Variants in ERBB4 observed in about 807,000 individuals in gnomAD.
ERBB4 encodes the protein receptor tyrosine-protein kinase erbB-4.
ERBB4 carries 42 observed loss-of-function variants against 158.0 expected under a neutral mutation model. That is an observed-to-expected ratio of 0.27 (90% CI 0.21 to 0.34). ERBB4 has a LOEUF of 0.34. Ranked by LOEUF, ERBB4 falls within the 10% of genes least tolerant of loss-of-function variation. The pLI, the probability that ERBB4 is intolerant of heterozygous loss-of-function variation, is 1.00. For synonymous variants in ERBB4, 583 were observed against 558.7 expected, an observed-to-expected ratio of 1.04 and a Z score of -0.61; for missense variants, 1,333 against 1,624.1, an observed-to-expected ratio of 0.82 and a Z score of 3.08.
At chr2:212,087,496 C>T (rs922993730) in intron 2 of ERBB4, among the ~76,000 whole-genome samples, 1 of 152,024 alleles carries the variant, frequency 6.6e-6, no homozygotes, top group South Asian at 2.1e-4. Flanking sequence ...ATAGTAAGTG[C>T]TTAACAAATG....
intron 2 of ERBB4, among the ~76,000 whole-genome samples, chr2:212,003,204 AGACAGAAAGAAGGAAGGAAGGAAG>A (rs1303667171): frequency 0.011 from 535 of 48,612 alleles, 20 homozygotes; most frequent in Middle Eastern, 0.044. Flanking sequence ...AAAGAAAGAA[AGACAGAAAGAAGGAAGGAAGGAAG>A]GAAGGAAGGA....
chr2:211,517,520 T>C (rs1298564224), intron 20 of ERBB4, among the ~76,000 whole-genome samples: 1 of 152,170 alleles, frequency 6.6e-6, no homozygotes, highest in African/African-American at 2.4e-5. Context: ...AGAACATTTT[T>C]ATGGGTGAAA....
chr2:212,352,507 A>G (rs1043436880), intron 1 of ERBB4, among the ~76,000 whole-genome samples: 1 of 152,162 alleles, frequency 6.6e-6, no homozygotes, highest in Non-Finnish European at 1.5e-5. Context: ...TTAATGTTTG[A>G]TATATTCTTA....
At chr2:211,772,868 T>TAC (rs1178579658) in intron 4 of ERBB4, among the ~76,000 whole-genome samples, 37 of 63,476 alleles carry the variant, frequency 5.8e-4, no homozygotes, top group Admixed American at 1.8e-3. Context: ...TATATATATA[T>TAC]ACACATATAT....
At chr2:212,135,255 C>A (rs2080236660) in intron 1 of ERBB4, among the ~76,000 whole-genome samples, 1 of 152,080 alleles carries the variant, frequency 6.6e-6, no homozygotes. Flanking sequence ...GGGAAAATAA[C>A]CTCATAACTG....
intron 2 of ERBB4, among the ~76,000 whole-genome samples, chr2:211,986,799 T>C (rs1479922194): frequency 6.6e-6 from 1 of 152,164 alleles, no homozygotes; most frequent in Non-Finnish European, 1.5e-5. Context: ...GTTTAATTGC[T>C]GAAAATTTTT....
chr2:212,538,687 C>T lies in ERBB4; in HGVS notation c.-157G>A. 1 of 521,198 alleles carries T rather than the reference C, an allele frequency of 1.9e-6. No homozygotes were observed. The highest frequency in any genetic ancestry group is 3.1e-6 in the Non-Finnish European group (1 of 318,852). 32.3% of individuals were successfully genotyped at this position (521,198 alleles called of 1,614,324 possible). A position where few individuals can be genotyped will look rare whatever the true frequency, so the allele number is the denominator to read the frequency against. ...TGTGGCGACTCCCAGGGCGGGCGAC[C>T]GAGTCCGCGCCCGCGGGTCCAGGGC... On this transcript the variant is annotated 5_prime_UTR_variant, in exon 1 of 28. Coordinates refer to ENST00000342788, the MANE Select transcript of ERBB4 (RefSeq NM_005235.3).
At chr2:212,449,287 G>C (rs1560355644) in intron 1 of ERBB4, among the ~76,000 whole-genome samples, 1 of 152,114 alleles carries the variant, frequency 6.6e-6, no homozygotes, top group Non-Finnish European at 1.5e-5. Context: ...AAATACATCA[G>C]CAGAATTATT....
At chr2:212,067,289 T>C (rs1444206033) in intron 2 of ERBB4, among the ~76,000 whole-genome samples, 1 of 152,006 alleles carries the variant, frequency 6.6e-6, no homozygotes, top group Non-Finnish European at 1.5e-5. Context: ...TGCACTTATG[T>C]AAATAATCAG....
At chr2:211,604,732 G>A (rs1317696474) in intron 19 of ERBB4, among the ~76,000 whole-genome samples, 1 of 152,126 alleles carries the variant, frequency 6.6e-6, no homozygotes, top group Non-Finnish European at 1.5e-5. Flanking sequence ...TTGATCGACC[G>A]ACTGTTAACT....
At position 211,925,632 on chromosome 2, in the gene ERBB4, C is replaced by T. The variant is rs1019900182; in HGVS notation, c.421+21798G>A. Among the ~76,000 whole-genome samples the T allele has an allele frequency of 8.5e-5, 13 of 152,084 alleles. 1 individual carries two copies. The highest frequency in any genetic ancestry group is 6.6e-4 in the Admixed American group (10 of 15,256). ...TCCTGACCTTGTGATCCGCCCACCT[C>T]GGCCTCCGAAAGTGCTAGATAATAG... is the stretch of plus-strand genomic sequence containing the variant. On this transcript the variant is annotated intron_variant, in intron 3 of 27. Coordinates refer to ENST00000342788, the MANE Select transcript of ERBB4 (RefSeq NM_005235.3).
At chr2:212,245,350 T>C (rs973697056) in intron 1 of ERBB4, among the ~76,000 whole-genome samples, 15 of 152,186 alleles carry the variant, frequency 9.9e-5, no homozygotes, top group Admixed American at 9.8e-4. Context: ...ACATTTCCTG[T>C]TACTATCTCA....
intron 1 of ERBB4, among the ~76,000 whole-genome samples, chr2:212,267,495 C>A (rs1348407188): frequency 6.6e-6 from 1 of 151,648 alleles, no homozygotes; most frequent in Non-Finnish European, 1.5e-5. Flanking sequence ...TTTCAGGTGA[C>A]TGCTTTAGTA....
intron 1 of ERBB4, among the ~76,000 whole-genome samples, chr2:212,536,574 C>A (rs1693077755): frequency 6.6e-6 from 1 of 152,150 alleles, no homozygotes; most frequent in South Asian, 2.1e-4. Context: ...TCTGACAATT[C>A]GCCCAGGGAA....
chr2:211,632,483 G>A (rs2070180751), intron 16 of ERBB4, among the ~76,000 whole-genome samples: 1 of 151,912 alleles, frequency 6.6e-6, no homozygotes, highest in Admixed American at 6.6e-5. Context: ...GTTAATTGTA[G>A]ATTCAGACCA....
intron 2 of ERBB4, among the ~76,000 whole-genome samples, chr2:212,100,106 C>CT (rs542347037): frequency 3.9e-5 from 6 of 152,062 alleles, no homozygotes; most frequent in Admixed American, 1.3e-4. Context: ...AATATTAAAA[C>CT]TTTTTTTTGT....
intron 1 of ERBB4, among the ~76,000 whole-genome samples, chr2:212,425,410 G>GAACATATATGTATATGTATACATA (rs1368213355): frequency 1.4e-5 from 2 of 147,732 alleles, no homozygotes; most frequent in African/African-American, 5.0e-5. Flanking sequence ...ACATATATAT[G>GAACATATATGTATATGTATACATA]TATATACACA....
intron 1 of ERBB4, among the ~76,000 whole-genome samples, chr2:212,250,192 T>A (rs1006043904): frequency 6.6e-5 from 10 of 152,012 alleles, no homozygotes; most frequent in Non-Finnish European, 1.5e-4. Flanking sequence ...AGTTTTCTTT[T>A]TATTTTCATG....
intron 2 of ERBB4, among the ~76,000 whole-genome samples, chr2:212,101,230 A>G (rs2079071421): frequency 1.3e-5 from 2 of 151,900 alleles, no homozygotes; most frequent in Non-Finnish European, 2.9e-5. Context: ...AGTGTGTAGC[A>G]CATGGCGGAT....
Sources: gnomAD v4.1 joint callset for allele counts (sites outside exome capture counted in the v4.1 genomes callset) on GRCh38, gnomAD v4.1.1 for gene constraint, MANE v1.5 for transcripts, NCBI Gene and HGNC (gene_info 2026-07-23, HGNC 2026-07-21) for gene names.